Variants in C12orf42 observed in about 807,000 individuals in gnomAD.
C12orf42 encodes chromosome 12 open reading frame 42.
Under a neutral mutation model 21.6 loss-of-function variants are expected in C12orf42, and 25 were observed. That is an observed-to-expected ratio of 1.16 (90% CI 0.84 to 1.62). C12orf42 has a LOEUF of 1.62. C12orf42 is among the 40% of genes most tolerant of loss of function. The pLI is 0.00. For missense variants in C12orf42, 483 were observed against 459.3 expected, an observed-to-expected ratio of 1.05 and a Z score of -0.47; for synonymous variants, 174 against 175.0, an observed-to-expected ratio of 0.99 and a Z score of 0.05.
At chr12:103,553,796 T>A in the C12orf42 span, among the ~76,000 whole-genome samples, 1 of 152,126 alleles carries the variant, frequency 6.6e-6, no homozygotes, top group African/African-American at 2.4e-5. Context: ...TGATCTTCAT[T>A]TTACCAGAGG....
chr12:103,373,422 CTG>C (rs1255534862), intron 3 of C12orf42, among the ~76,000 whole-genome samples: 1 of 152,166 alleles, frequency 6.6e-6, no homozygotes, highest in Non-Finnish European at 1.5e-5. Context: ...GATTTTGGGG[CTG>C]TGCACACTCC....
chr12:103,417,515 A>G (rs1269123889), intron 2 of C12orf42, among the ~76,000 whole-genome samples: 6 of 152,060 alleles, frequency 3.9e-5, no homozygotes, highest in African/African-American at 9.7e-5. Context: ...CACACACCTC[A>G]TTGTTCCCTT....
At chr12:103,105,119 T>G in the C12orf42 span, among the ~76,000 whole-genome samples, 1 of 152,182 alleles carries the variant, frequency 6.6e-6, no homozygotes, top group Non-Finnish European at 1.5e-5. Context: ...GAATCCATTG[T>G]ACACTGTATA....
chr12:103,190,260 G>T, the C12orf42 span, among the ~76,000 whole-genome samples: 2,328 of 152,306 alleles, frequency 0.015, 30 homozygotes, highest in Non-Finnish European at 0.025. Context: ...AAGAAAGAGA[G>T]AGTGAGAAGA....
intron 4 of C12orf42, among the ~76,000 whole-genome samples, chr12:103,291,442 G>A (rs370848924): frequency 2.3e-4 from 35 of 152,316 alleles, no homozygotes; most frequent in East Asian, 1.3e-3. Context: ...ACAGAGTAGC[G>A]AAAGCAAAGC....
intron 3 of C12orf42, among the ~76,000 whole-genome samples, chr12:103,395,879 T>C (rs1015928346): frequency 1.3e-5 from 2 of 149,522 alleles, no homozygotes; most frequent in African/African-American, 4.9e-5. Flanking sequence ...ATATATACAC[T>C]ATATATATGC....
chr12:103,113,978 T>G, the C12orf42 span, among the ~76,000 whole-genome samples: 1 of 152,236 alleles, frequency 6.6e-6, no homozygotes, highest in African/African-American at 2.4e-5. Context: ...TTAGATTTTT[T>G]TGTTAAATTA....
At chr12:103,136,433 C>T in the C12orf42 span, among the ~76,000 whole-genome samples, 1 of 152,028 alleles carries the variant, frequency 6.6e-6, no homozygotes, top group East Asian at 1.9e-4. Flanking sequence ...TAATATCTTC[C>T]ATATTAATTG....
chr12:103,367,574 A>G (rs1001913308), intron 4 of C12orf42, among the ~76,000 whole-genome samples: 1 of 152,004 alleles, frequency 6.6e-6, no homozygotes, highest in Admixed American at 6.6e-5. Context: ...ACCGCTGCTC[A>G]TCTGTATACT....
At chr12:103,346,449 T>A (rs1236243094) in intron 4 of C12orf42, among the ~76,000 whole-genome samples, 1 of 152,218 alleles carries the variant, frequency 6.6e-6, no homozygotes, top group African/African-American at 2.4e-5. Flanking sequence ...ATTTATGGTA[T>A]ACAATATGAG....
At chr12:103,315,572 C>G (rs1056980058) in intron 4 of C12orf42, among the ~76,000 whole-genome samples, 2 of 151,982 alleles carry the variant, frequency 1.3e-5, no homozygotes, top group African/African-American at 4.8e-5. Context: ...GACAATTTTC[C>G]AAGGTGCAGC....
At chr12:103,135,689 C>T in the C12orf42 span, among the ~76,000 whole-genome samples, 10 of 152,202 alleles carry the variant, frequency 6.6e-5, no homozygotes, top group South Asian at 1.9e-3. Flanking sequence ...TCTAACAGTA[C>T]ATCAAACAAA....
chr12:103,394,175 C>G (rs140981688), intron 3 of C12orf42, among the ~76,000 whole-genome samples: 31 of 152,334 alleles, frequency 2.0e-4, no homozygotes, highest in African/African-American at 7.0e-4. Context: ...ATCTCAGAAA[C>G]AGCAGGAGTT....
chr12:103,410,765 G>C (rs561284220), intron 2 of C12orf42, among the ~76,000 whole-genome samples: 1 of 152,266 alleles, frequency 6.6e-6, no homozygotes, highest in South Asian at 2.1e-4. Flanking sequence ...TCTCACCTTT[G>C]TCCTTTCAGA....
the C12orf42 span, among the ~76,000 whole-genome samples, chr12:103,128,367 A>T: frequency 1.3e-5 from 2 of 152,172 alleles, no homozygotes; most frequent in South Asian, 2.1e-4. Context: ...CAGCCCACAG[A>T]ACCGGCACCA....
At chr12:103,472,719 G>T (rs7956770) in intron 2 of C12orf42, among the ~76,000 whole-genome samples, 31,851 of 152,130 alleles carry the variant, frequency 0.21, 3,842 homozygotes, top group East Asian at 0.35. Flanking sequence ...ACTGGAGATG[G>T]AAAGGCCATA....
intron 4 of C12orf42, among the ~76,000 whole-genome samples, chr12:103,338,397 CAT>C (rs1448263502): frequency 2.0e-5 from 3 of 152,222 alleles, no homozygotes; most frequent in Non-Finnish European, 4.4e-5. Flanking sequence ...TGAAACTCAA[CAT>C]TTCAGATTTT....
the C12orf42 span, among the ~76,000 whole-genome samples, chr12:103,051,012 G>A: frequency 6.6e-6 from 1 of 152,044 alleles, no homozygotes; most frequent in East Asian, 1.9e-4. Context: ...TTTTTATAGG[G>A]CACTTAATGA....
At chr12:103,058,524 G>A in the C12orf42 span, among the ~76,000 whole-genome samples, 1 of 152,188 alleles carries the variant, frequency 6.6e-6, no homozygotes, top group African/African-American at 2.4e-5. Flanking sequence ...CAAATCAACA[G>A]AATATACATT....
Sources: gnomAD v4.1 joint callset for allele counts (sites outside exome capture counted in the v4.1 genomes callset) on GRCh38, gnomAD v4.1.1 for gene constraint, MANE v1.5 for transcripts, NCBI Gene and HGNC (gene_info 2026-07-23, HGNC 2026-07-21) for gene names.